The following LMTK2 variants were observed in gnomAD, a reference collection of about 807,000 sequenced individuals.
LMTK2 encodes lemur tail kinase 2.
A neutral mutation model predicts 127.5 loss-of-function variants in LMTK2; 37 were observed. The ratio of observed to expected loss-of-function variants is 0.29; its 90% confidence interval spans 0.22 to 0.38. The LOEUF (loss-of-function observed/expected upper bound fraction) is 0.38. LMTK2 is among the 10% of genes least tolerant of loss of function. The pLI is 1.00. For synonymous variants in LMTK2, 819 were observed against 810.1 expected, an observed-to-expected ratio of 1.01 and a Z score of -0.19; for missense variants, 1,694 against 1,920.3, an observed-to-expected ratio of 0.88 and a Z score of 2.20.
intron 1 of LMTK2, 55 bp from the exon 2 acceptor site, chr7:98,137,260 T>A: frequency 6.5e-7 from 1 of 1,538,446 alleles, no homozygotes; most frequent in Non-Finnish European, 8.8e-7. Flanking sequence ...GATTCACTAA[T>A]TAAAGTTGAT....
rs1796823645 is a variant in LMTK2, at chr7:98,149,678, C to T, written c.377-1704C>T. Among the ~76,000 whole-genome samples the T allele has an allele frequency of 2.0e-5, 3 of 152,156 alleles. No individual in the cohort carries two copies. In the South Asian group the frequency reaches 6.2e-4, roughly 32 times the overall value. ...AAAATTATAAAACTTGTAGAATAAACTCTTTATAATCTTTAGTTAGACAAA... is the reference window on the plus strand; with the variant it reads ...AAAATTATAAAACTTGTAGAATAAATTCTTTATAATCTTTAGTTAGACAAA... On this transcript the variant is annotated intron_variant, in intron 3 of 13. Transcript: ENST00000297293.
chr7:98,154,335 C>T (rs1249951695), intron 4 of LMTK2, among the ~76,000 whole-genome samples: 1 of 152,182 alleles, frequency 6.6e-6, no homozygotes, highest in Non-Finnish European at 1.5e-5. Context: ...AGTTTACTTT[C>T]TCATATGTAT....
At chr7:98,159,926 A>C (rs564493300) in intron 6 of LMTK2, among the ~76,000 whole-genome samples, 1 of 152,308 alleles carries the variant, frequency 6.6e-6, no homozygotes, top group South Asian at 2.1e-4. Flanking sequence ...AAAGAGTTAG[A>C]TTTATTTTCT....
rs1319828017 is a variant in LMTK2 at position 98,206,844 on chromosome 7, A to AG, written c.*1355dup. ...CTGCAGCTGTGAAGGGGGATGGACAAGGGACGACGGCCGACGGCAGAGCAT... is the reference window on the plus strand; with the variant it reads ...CTGCAGCTGTGAAGGGGGATGGACAAGGGGACGACGGCCGACGGCAGAGCAT... On this transcript the variant is annotated 3_prime_UTR_variant, in exon 14 of 14. Transcript: ENST00000297293. 6.6e-6 allele frequency: 1 copy of AG among 152,288 alleles called. No homozygotes were observed. The highest frequency in any genetic ancestry group is 2.4e-5 in the African/African-American group (1 of 41,434). 9.4% of individuals were successfully genotyped at this position (152,288 alleles called of 1,614,324 possible).
At chr7:98,130,082 GTT>G (rs1796500901) in intron 1 of LMTK2, among the ~76,000 whole-genome samples, 1 of 152,166 alleles carries the variant, frequency 6.6e-6, no homozygotes, top group Non-Finnish European at 1.5e-5. Context: ...AGCATGTCAT[GTT>G]AGCGTCTCTG....
chr7:98,107,542 G>A (rs944756258), intron 1 of LMTK2, among the ~76,000 whole-genome samples: 1 of 152,254 alleles, frequency 6.6e-6, no homozygotes, highest in Non-Finnish European at 1.5e-5. Context: ...CTGCGGTGCC[G>A]GCCCTGGACC....
At chr7:98,147,229 CTT>C (rs111286597) in intron 3 of LMTK2, among the ~76,000 whole-genome samples, 9 of 144,034 alleles carry the variant, frequency 6.2e-5, no homozygotes, top group East Asian at 2.0e-4. Context: ...GTTTATGTTA[CTT>C]TTTTTTTTTT....
intron 7 of LMTK2, among the ~76,000 whole-genome samples, chr7:98,175,919 G>T (rs114251654): frequency 6.6e-6 from 1 of 152,224 alleles, no homozygotes; most frequent in Non-Finnish European, 1.5e-5. Flanking sequence ...TGGCTCCAGT[G>T]TATTTAAACT....
rs1797751527 is a variant in LMTK2, at chr7:98,204,138, G to T, written c.4435G>T (p.Ala1479Ser). The change falls in exon 13 of 14, where the codon GCC becomes TCC. Residue 1479 changes from alanine to serine, a missense_variant. Physicochemically the swap from Ala to Ser is moderately conservative, Grantham distance 99. Around this residue, in one of 8 missense-constraint regions of LMTK2, gnomAD observed 554 missense variants for 567.7 expected, o/e 0.98. Transcript: ENST00000297293. ...SRFSISPANI[A>S]SFSLTHLTDS... ...GTTCTCCATCTCTCCCGCCAACATT[G>T]CCAGCTTTTCCCTCACACACCTGAC... The T allele has an allele frequency of 1.2e-6, 2 of 1,611,232 alleles. No individual in the cohort carries two copies. Among genetic ancestry groups the T allele is most frequent in the Non-Finnish European group, 1.7e-6 (2 of 1,180,008 alleles).
intron 12 of LMTK2, 44 bp downstream of exon 12, chr7:98,203,750 G>T: frequency 6.2e-7 from 1 of 1,609,448 alleles, no homozygotes; most frequent in South Asian, 1.1e-5. Context: ...CTGAAAAATT[G>T]AGTAATGTAA....
chr7:98,203,315 C>T (rs543464166), intron 11 of LMTK2, among the ~76,000 whole-genome samples: 113 of 152,354 alleles, frequency 7.4e-4, no homozygotes, highest in Middle Eastern at 3.4e-3. Context: ...CACTGCCGCT[C>T]GTGCCCGCCT....
intron 1 of LMTK2, among the ~76,000 whole-genome samples, chr7:98,113,849 G>A (rs1796239141): frequency 6.6e-6 from 1 of 152,138 alleles, no homozygotes; most frequent in Non-Finnish European, 1.5e-5. Flanking sequence ...TGTAGCAAGT[G>A]GCTAATTCGG....
intron 8 of LMTK2, 71 bp downstream of exon 8, chr7:98,185,206 C>T: frequency 1.9e-6 from 2 of 1,051,136 alleles, no homozygotes. Context: ...CACCAAATGC[C>T]CCACTGTTTG....
chr7:98,169,493 T>C (rs1463343502), intron 6 of LMTK2, among the ~76,000 whole-genome samples: 1 of 152,224 alleles, frequency 6.6e-6, no homozygotes, highest in Non-Finnish European at 1.5e-5. Context: ...GGTTTTAGGA[T>C]TGGCCAGATT....
At chr7:98,174,054 TCAAAAAA>T (rs1171772722) in intron 7 of LMTK2, among the ~76,000 whole-genome samples, 1 of 146,086 alleles carries the variant, frequency 6.8e-6, no homozygotes, top group African/African-American at 2.5e-5. Context: ...AGATTCTGTC[TCAAAAAA>T]CAAAAAACCC....
intron 4 of LMTK2, among the ~76,000 whole-genome samples, chr7:98,153,339 G>C (rs1796883745): frequency 6.6e-6 from 1 of 152,168 alleles, no homozygotes; most frequent in Non-Finnish European, 1.5e-5. Context: ...GGAGGGAGAA[G>C]CCCAGGAGAC....
rs188230767 is a variant in LMTK2 at position 98,201,134 on chromosome 7, C to G, written c.4108-2440C>G. Among the ~76,000 whole-genome samples, 7 of 151,788 alleles carry G rather than the reference C, an allele frequency of 4.6e-5. No individual in the cohort carries two copies. In the East Asian group the frequency reaches 9.7e-4, roughly 21 times the overall value. ...GACTATTTCACACTCATTCCTGAAG[C>G]CTGTTTTCTCTGAGTGTAGAATTCT... On this transcript the variant is annotated intron_variant, in intron 11 of 13. Coordinates refer to ENST00000297293, the MANE Select transcript of LMTK2 (RefSeq NM_014916.4).
At chr7:98,189,652 G>A (rs557716540) in intron 9 of LMTK2, among the ~76,000 whole-genome samples, 58 of 152,294 alleles carry the variant, frequency 3.8e-4, no homozygotes, top group Non-Finnish European at 1.5e-4. Flanking sequence ...GGCAGTGCGT[G>A]GTGGGGAGGA....
intron 4 of LMTK2, among the ~76,000 whole-genome samples, chr7:98,153,898 C>T (rs1416408804): frequency 6.6e-6 from 1 of 151,980 alleles, no homozygotes; most frequent in Non-Finnish European, 1.5e-5. Flanking sequence ...AGTTAATTAT[C>T]AGAATTTCTT....
Sources: allele counts gnomAD v4.1 joint callset (sites outside exome capture counted in the v4.1 genomes callset), GRCh38; gene constraint gnomAD v4.1.1; regional missense constraint gnomAD v4.1.1; transcripts MANE v1.5; gene names NCBI Gene and HGNC (gene_info 2026-07-23, HGNC 2026-07-21).